Variants in SLIT2 observed in about 807,000 individuals in gnomAD.
The protein encoded by SLIT2 is slit homolog 2 protein.
In SLIT2, 41 loss-of-function variants were observed where a neutral mutation model predicts 185.7. The ratio of observed to expected loss-of-function variants is 0.22; its 90% CI spans 0.17 to 0.29. The LOEUF (loss-of-function observed/expected upper bound fraction) is 0.29, where lower values mean the gene tolerates loss of function less well. Ranked by LOEUF, SLIT2 falls within the 10% of genes least tolerant of loss-of-function variation. SLIT2 has a pLI of 1.00. For missense variants in SLIT2, 1,571 were observed against 1,909.0 expected (o/e 0.82, Z 3.30); for synonymous variants, 693 against 680.2 (o/e 1.02, Z -0.29).
chr4:20,314,725 G>C (rs75918140), intron 4 of SLIT2, among the ~76,000 whole-genome samples: 2 of 151,922 alleles, frequency 1.3e-5, no homozygotes, highest in African/African-American at 4.8e-5. Context: ...TATTTAAAAA[G>C]ACAAACAATA....
chr4:20,367,282 A>G (rs1482797050), intron 4 of SLIT2, among the ~76,000 whole-genome samples: 1 of 152,148 alleles, frequency 6.6e-6, no homozygotes, highest in African/African-American at 2.4e-5. Context: ...TTTTAGTGAC[A>G]ATAATTGAGA....
chr4:20,440,312 C>T (rs1253387730), intron 4 of SLIT2, among the ~76,000 whole-genome samples: 1 of 152,160 alleles, frequency 6.6e-6, no homozygotes, highest in Non-Finnish European at 1.5e-5. Flanking sequence ...GGAGTTGAAA[C>T]TACATCTGGG....
intron 4 of SLIT2, among the ~76,000 whole-genome samples, chr4:20,362,645 A>G (rs917175532): frequency 1.3e-5 from 2 of 151,754 alleles, no homozygotes; most frequent in Non-Finnish European, 2.9e-5. Flanking sequence ...AATAACGTGT[A>G]TCTTCTTTTT....
intron 4 of SLIT2, among the ~76,000 whole-genome samples, chr4:20,290,573 G>C (rs533313691): frequency 2.0e-5 from 3 of 152,220 alleles, no homozygotes; most frequent in Non-Finnish European, 4.4e-5. Context: ...TGGATACCAA[G>C]GGACGACTAT....
Position 20,501,446 on chromosome 4 carries a change from C to T in SLIT2, c.915-9049C>T, listed in dbSNP as rs538293661. The stretch of plus-strand genomic sequence containing the variant: ...GACTACAAGTGCATGCCACCACACC[C>T]GGCTTTTTTGTCTTTTGGGTAGAAG... On this transcript the variant is annotated intron_variant, in intron 9 of 36. Coordinates refer to ENST00000504154, the MANE Select transcript of SLIT2 (RefSeq NM_004787.4). 1.6e-3 allele frequency among the ~76,000 whole-genome samples: 236 copies of T among 152,170 alleles called. 1 individual carries two copies. The highest frequency in any genetic ancestry group is 5.2e-3 in the African/African-American group (218 of 41,524).
Position 20,254,627 on chromosome 4 carries a change from G to A in SLIT2, c.179+633G>A, listed in dbSNP as rs1577326148. Among the ~76,000 whole-genome samples the A allele has an allele frequency of 1.3e-5, 2 of 152,166 alleles. No individual in the cohort carries two copies. The highest frequency in any genetic ancestry group is 6.8e-3 in the Middle Eastern group (2 of 292). ...CCCCGCCCCCCACTTCTCCGGGGAG[G>A]GGAAGACGGCGTCAGGCCCCTAGGG... On this transcript the variant is annotated intron_variant, in intron 1 of 36. Coordinates refer to ENST00000504154, the MANE Select transcript of SLIT2 (RefSeq NM_004787.4). The surrounding 1 kb of genome is among the most constrained non-coding windows in gnomAD (Gnocchi z 5.1).
chr4:20,344,110 A>G (rs1270131351), intron 4 of SLIT2, among the ~76,000 whole-genome samples: 2 of 152,130 alleles, frequency 1.3e-5, no homozygotes, highest in Non-Finnish European at 2.9e-5. Flanking sequence ...CGGACTCCCA[A>G]AGTGTGGGAT....
At chr4:20,401,565 T>C (rs55680386) in intron 4 of SLIT2, among the ~76,000 whole-genome samples, 13,301 of 151,812 alleles carry the variant, frequency 0.088, 670 homozygotes, top group Non-Finnish European at 0.11. Context: ...GCCACGCAGC[T>C]GGGTGGGTAG....
intron 4 of SLIT2, among the ~76,000 whole-genome samples, chr4:20,365,483 T>TGTG (rs1327036655): frequency 6.6e-6 from 1 of 152,124 alleles, no homozygotes; most frequent in Non-Finnish European, 1.5e-5. Flanking sequence ...AAAAAAGAGA[T>TGTG]GTGGAATGGG....
chr4:20,381,400 A>C (rs1724501792), intron 4 of SLIT2, among the ~76,000 whole-genome samples: 1 of 152,230 alleles, frequency 6.6e-6, no homozygotes, highest in South Asian at 2.1e-4. Context: ...AAGCCATAAG[A>C]CAATGGAGTG....
chr4:20,298,011 A>G (rs565425185), intron 4 of SLIT2, among the ~76,000 whole-genome samples: 1 of 152,062 alleles, frequency 6.6e-6, no homozygotes, highest in African/African-American at 2.4e-5. Context: ...GACAGTACCA[A>G]TGTTTGCTTG....
intron 3 of SLIT2, among the ~76,000 whole-genome samples, chr4:20,268,306 A>G (rs886651330): frequency 6.6e-6 from 1 of 150,998 alleles, no homozygotes; most frequent in South Asian, 2.1e-4. Context: ...GATTTTGCCT[A>G]TGGGACAAAT....
At chr4:20,443,728 C>G (rs940504972) in intron 4 of SLIT2, among the ~76,000 whole-genome samples, 1 of 151,712 alleles carries the variant, frequency 6.6e-6, no homozygotes, top group African/African-American at 2.4e-5. Context: ...AGAAATTATC[C>G]TGGAATGTTT....
chr4:20,604,102 C>T (rs1418853970), intron 33 of SLIT2, among the ~76,000 whole-genome samples: 2 of 152,206 alleles, frequency 1.3e-5, no homozygotes, highest in South Asian at 2.1e-4. Context: ...AGTCGGCTCA[C>T]GATATTGAGT....
intron 4 of SLIT2, among the ~76,000 whole-genome samples, chr4:20,445,716 T>C (rs1711709629): frequency 6.6e-6 from 1 of 152,234 alleles, no homozygotes; most frequent in African/African-American, 2.4e-5. Flanking sequence ...TTCTAAGCTC[T>C]CTTTTTTCTC....
Position 20,486,204 on chromosome 4 carries a change from C to G in SLIT2, c.544C>G (p.Leu182Val). 6.3e-7 allele frequency: 1 copy of G among 1,596,204 alleles called. No homozygotes were observed. Among genetic ancestry groups the G allele is most frequent in the Non-Finnish European group, 8.6e-7 (1 of 1,164,332 alleles). Residue 182 changes from leucine to valine, a missense_variant, in exon 7 of 37, where the codon CTC becomes GTC. Leu to Val is a conservative substitution (Grantham distance 32). This residue lies in a region of SLIT2 where 1,202 missense variants were observed against 1,416.4 expected (regional missense o/e 0.85). Coordinates refer to ENST00000504154, the MANE Select transcript of SLIT2 (RefSeq NM_004787.4). ...RALRDLEVLTLNNNNITRLSV... is the reference protein window; with the variant it reads ...RALRDLEVLTVNNNNITRLSV... ...CTTTTCTTTTTAATTCTACAGCACTCTCAACAATAACAACATTACTAGACT... is the reference window on the plus strand; with the variant it reads ...CTTTTCTTTTTAATTCTACAGCACTGTCAACAATAACAACATTACTAGACT...
chr4:20,455,157 G>GT (rs1249278900), intron 4 of SLIT2, among the ~76,000 whole-genome samples: 1 of 152,068 alleles, frequency 6.6e-6, no homozygotes, highest in East Asian at 1.9e-4. Context: ...TTTGAAAACA[G>GT]TTTTTTCTCA....
chr4:20,449,643 G>A (rs555431880), intron 4 of SLIT2, among the ~76,000 whole-genome samples: 4 of 151,992 alleles, frequency 2.6e-5, no homozygotes, highest in East Asian at 1.9e-4. Flanking sequence ...TCCTGACCTC[G>A]TGATCCACCC....
chr4:20,253,768 G>C lies in SLIT2; in HGVS notation c.-48G>C. 1.3e-6 allele frequency: 2 copies of C among 1,587,236 alleles called. No individual in the cohort carries two copies. The highest frequency in any genetic ancestry group is 1.7e-6 in the Non-Finnish European group (2 of 1,173,282). ...CTGCGCGGTTCCCTCGGAGCAGCAA[G>C]CTAAAGAAAGCCCCCAGTGCCGGCG... On this transcript the variant is annotated 5_prime_UTR_variant, in exon 1 of 37. Coordinates refer to ENST00000504154, the MANE Select transcript of SLIT2 (RefSeq NM_004787.4).
Sources: gnomAD v4.1 joint callset for allele counts (sites outside exome capture counted in the v4.1 genomes callset) on GRCh38, gnomAD v4.1.1 for gene constraint, gnomAD v4.1.1 regional missense constraint, Gnocchi (gnomAD v3.1) non-coding constraint, MANE v1.5 for transcripts, NCBI Gene and HGNC (gene_info 2026-07-23, HGNC 2026-07-21) for gene names.